The following POLK variants were observed in gnomAD, a reference collection of about 807,000 sequenced individuals.
POLK encodes the protein polymerase (DNA directed) kappa.
In POLK, 76 loss-of-function variants were observed where a neutral mutation model predicts 94.0. That is an observed-to-expected ratio of 0.81 (90% CI 0.67 to 0.98). The LOEUF (loss-of-function observed/expected upper bound fraction) is 0.98, where lower values mean the gene tolerates loss of function less well. Among genes scored for constraint, POLK ranks in the 50% least tolerant of loss-of-function variants. The pLI, the probability that POLK is intolerant of heterozygous loss-of-function variation, is 0.00. For missense variants in POLK, 954 were observed against 1,010.1 expected, an observed-to-expected ratio of 0.94 and a Z score of 0.75; for synonymous variants, 349 against 325.4, an observed-to-expected ratio of 1.07 and a Z score of -0.78.
At position 75,548,753 on chromosome 5, in the gene POLK, C is replaced by G. The variant is rs1190387529; in HGVS notation, c.135+1596C>G. ...GTATGTATGTGTGTGTGTATACACT[C>G]ATACTTCCCCAACATATATACATAG... On this transcript the variant is annotated intron_variant, in intron 2 of 14. Coordinates refer to ENST00000241436, the Ensembl canonical transcript of POLK. Among the ~76,000 whole-genome samples, 5 of 151,706 alleles carry G rather than the reference C, an allele frequency of 3.3e-5. No individual in the cohort carries two copies. In the East Asian group the frequency reaches 9.6e-4, roughly 29 times the overall value.
chr5:75,572,827 C>A (rs1163370955), intron 4 of POLK, among the ~76,000 whole-genome samples: 3 of 152,086 alleles, frequency 2.0e-5, no homozygotes, highest in Admixed American at 6.6e-5. Flanking sequence ...CATCTCACAC[C>A]AGTTAGAATG....
exon 5 of POLK, chr5:75,573,869 G>A: frequency 6.2e-7 from 1 of 1,613,118 alleles, no homozygotes; most frequent in Non-Finnish European, 8.5e-7. Flanking sequence ...TGAGTAAAGA[G>A]GTAAGTTAAT....
downstream of POLK, among the ~76,000 whole-genome samples, chr5:75,605,957 C>G (rs1318273871): frequency 7.2e-6 from 1 of 139,440 alleles, no homozygotes; most frequent in Non-Finnish European, 1.5e-5. Flanking sequence ...GGGGAACCAG[C>G]GTTCAGCATA....
At position 75,560,614 on chromosome 5, in the gene POLK, A is replaced by C. The variant is rs142006739; in HGVS notation, c.255+8023A>C. 2.2e-3 allele frequency among the ~76,000 whole-genome samples: 342 copies of C among 152,200 alleles called. 2 individuals carry two copies. Among genetic ancestry groups the C allele is most frequent in the South Asian group, 8.3e-3 (40 of 4,812 alleles). On this transcript the variant is annotated intron_variant, in intron 3 of 14. Coordinates refer to ENST00000241436, the Ensembl canonical transcript of POLK. ...TACATGTGCCACGGTGGTCTGCTGCACCTATCAACCCATCATCTACATTAG... is the reference window on the plus strand; with the variant it reads ...TACATGTGCCACGGTGGTCTGCTGCCCCTATCAACCCATCATCTACATTAG...
rs548946563 is a variant in POLK, at chr5:75,574,826, T to C, written c.540+957T>C. ...GGGGAGCACACTTACATTTGGTTAC[T>C]GCTTATCTCTTTCATTGTATTCCTA... On this transcript the variant is annotated intron_variant, in intron 5 of 14. Transcript: ENST00000241436. Among the ~76,000 whole-genome samples the C allele has an allele frequency of 4.6e-5, 7 of 152,344 alleles. No individual in the cohort carries two copies. In the East Asian group the frequency reaches 1.4e-3, roughly 29 times the overall value.
intron 11 of POLK, among the ~76,000 whole-genome samples, chr5:75,591,465 TC>T (rs1431501234): frequency 4.6e-5 from 7 of 152,096 alleles, no homozygotes; most frequent in Non-Finnish European, 8.8e-5. Flanking sequence ...TCCAGAAAAG[TC>T]ACAAAAATAA....
intron 3 of POLK, among the ~76,000 whole-genome samples, chr5:75,567,316 T>C (rs1771331452): frequency 6.6e-6 from 1 of 152,160 alleles, no homozygotes; most frequent in Admixed American, 6.5e-5. Flanking sequence ...TAAAATAGAG[T>C]AGTTTTTAGT....
chr5:75,583,210 CTTT>C (rs374986939), intron 7 of POLK, 80 bp from the exon 8 acceptor site: 1 of 1,021,124 alleles, frequency 9.8e-7, no homozygotes, highest in Non-Finnish European at 1.4e-6. Flanking sequence ...TTGCAATTAA[CTTT>C]TTTTTTCTGT....
chr5:75,539,200 TTA>T (rs1284581810), intron 1 of POLK, among the ~76,000 whole-genome samples: 5 of 152,204 alleles, frequency 3.3e-5, no homozygotes, highest in Admixed American at 2.0e-4. Flanking sequence ...AGGTATGTGA[TTA>T]TGTTTCTAAA....
chr5:75,589,023 CA>C (rs1160670582), intron 10 of POLK, among the ~76,000 whole-genome samples: 1 of 152,112 alleles, frequency 6.6e-6, no homozygotes, highest in Non-Finnish European at 1.5e-5. Context: ...TAAGAAATTT[CA>C]TAATATGTAT....
chr5:75,530,396 C>CTTTTTTTTTTTTTTTTTTTTTTTTTTTT (rs201266079), intron 1 of POLK, among the ~76,000 whole-genome samples: 3 of 61,626 alleles, frequency 4.9e-5, no homozygotes, highest in Non-Finnish European at 9.7e-5. Flanking sequence ...TTCCCTTTTT[C>CTTTTTTTTTTTTTTTTTTTTTTTTTTTT]TTTTTTTTTT....
rs921712994 is a variant in POLK, at chr5:75,573,940, G to T, written c.540+71G>T. ...GTCACCTACAGAATCTCAAGTCCAA[G>T]TGCCTTAGCACGTAGGATTTGGTCT... On this transcript the variant is annotated intron_variant, in intron 5 of 14. Coordinates refer to ENST00000241436, the Ensembl canonical transcript of POLK. 13 of 1,500,432 alleles carry T rather than the reference G, an allele frequency of 8.7e-6. No individual in the cohort carries two copies. In the South Asian group the frequency reaches 1.5e-4, roughly 17 times the overall value. The allele number at this position is 1,500,432 out of a possible 1,614,324, so 92.9% of individuals were successfully genotyped here.
At chr5:75,541,553 G>A (rs1307949428) in intron 1 of POLK, among the ~76,000 whole-genome samples, 1 of 152,180 alleles carries the variant, frequency 6.6e-6, no homozygotes, top group Non-Finnish European at 1.5e-5. Context: ...GGCAGTAGAA[G>A]AGAATACATG....
chr5:75,584,932 T>C lies in POLK; in HGVS notation c.1226+6T>C. 6.4e-7 allele frequency: 1 copy of C among 1,559,970 alleles called. No individual in the cohort carries two copies. The highest frequency in any genetic ancestry group is 8.8e-7 in the Non-Finnish European group (1 of 1,142,508). ...GGTTCAACACACCTGACGAGGTATC[T>C]ATATGTATTGTCATTCTGCTTTTTC... On this transcript the variant is annotated splice_donor_region_variant and intron_variant, in intron 9 of 14. Transcript: ENST00000241436.
At chr5:75,542,910 A>G (rs1416391168) in intron 1 of POLK, among the ~76,000 whole-genome samples, 1 of 150,006 alleles carries the variant, frequency 6.7e-6, no homozygotes, top group East Asian at 1.9e-4. Flanking sequence ...ATGGGGTTTC[A>G]CCATATTGGC....
At chr5:75,526,786 G>A (rs949697746) in intron 1 of POLK, among the ~76,000 whole-genome samples, 1 of 151,956 alleles carries the variant, frequency 6.6e-6, no homozygotes, top group Non-Finnish European at 1.5e-5. Context: ...TTGCCATGTT[G>A]GCCAGGCTGG....
intron 3 of POLK, among the ~76,000 whole-genome samples, chr5:75,564,172 CT>C (rs2112729116): frequency 6.6e-6 from 1 of 152,278 alleles, no homozygotes; most frequent in South Asian, 2.1e-4. Flanking sequence ...CTCTTTTCAT[CT>C]TTGTTGGTTT....
intron 6 of POLK, among the ~76,000 whole-genome samples, chr5:75,579,876 A>G (rs112507289): frequency 7.3e-5 from 11 of 151,152 alleles, no homozygotes; most frequent in African/African-American, 2.7e-4. Flanking sequence ...GTGAAACCCT[A>G]TATTTACCAA....
chr5:75,529,249 A>C (rs534353620), intron 1 of POLK, among the ~76,000 whole-genome samples: 12 of 152,126 alleles, frequency 7.9e-5, no homozygotes, highest in Non-Finnish European at 1.5e-4. Flanking sequence ...CATTACATGG[A>C]GAGAGCAGGA....
Sources: allele counts gnomAD v4.1 joint callset (sites outside exome capture counted in the v4.1 genomes callset), GRCh38; gene constraint gnomAD v4.1.1; transcripts MANE v1.5; gene names NCBI Gene and HGNC (gene_info 2026-07-23, HGNC 2026-07-21).